The following PLA1A variants were observed in gnomAD, a reference collection of about 807,000 sequenced individuals.
The protein encoded by PLA1A is phosphatidylserine-specific phospholipase A1alpha.
PLA1A carries 47 observed loss-of-function variants against 49.4 expected under a neutral mutation model. The observed-to-expected ratio is 0.95, with a 90% confidence interval of 0.75 to 1.21. The LOEUF is 1.21. Among genes scored for constraint, PLA1A ranks in the 50% most tolerant of loss-of-function variants. PLA1A has a pLI of 0.00. For missense variants in PLA1A, 561 were observed against 563.9 expected, an observed-to-expected ratio of 0.99 and a Z score of 0.05; for synonymous variants, 224 against 207.9, an observed-to-expected ratio of 1.08 and a Z score of -0.67.
chr3:119,614,452 A>G (rs2082816188), intron 5 of PLA1A, among the ~76,000 whole-genome samples: 1 of 151,982 alleles, frequency 6.6e-6, no homozygotes, highest in Non-Finnish European at 1.5e-5. Flanking sequence ...AAAAAATACA[A>G]AAATTTAGTG....
intron 2 of PLA1A, among the ~76,000 whole-genome samples, chr3:119,607,317 AT>A (rs2082702503): frequency 6.6e-6 from 1 of 152,108 alleles, no homozygotes; most frequent in Admixed American, 6.5e-5. Context: ...AGAAACTTCC[AT>A]TTATGGGTGC....
intron 6 of PLA1A, among the ~76,000 whole-genome samples, chr3:119,616,387 T>G (rs2082848617): frequency 6.6e-6 from 1 of 152,230 alleles, no homozygotes. Context: ...GAAGGATCAA[T>G]TCACTGCCCA....
intron 5 of PLA1A, among the ~76,000 whole-genome samples, chr3:119,614,322 G>T (rs1448714980): frequency 6.6e-6 from 1 of 151,978 alleles, no homozygotes; most frequent in Non-Finnish European, 1.5e-5. Context: ...AGTGAATCCT[G>T]GTCGGGCGTG....
chr3:119,602,450 C>T (rs1282455994), intron 1 of PLA1A, among the ~76,000 whole-genome samples: 1 of 152,046 alleles, frequency 6.6e-6, no homozygotes, highest in African/African-American at 2.4e-5. Flanking sequence ...TGGATATAAA[C>T]TTTTTTATGG....
At chr3:119,603,994 T>G (rs2082651004) in intron 1 of PLA1A, among the ~76,000 whole-genome samples, 1 of 152,250 alleles carries the variant, frequency 6.6e-6, no homozygotes, top group Non-Finnish European at 1.5e-5. Context: ...CAAAGAATTA[T>G]TTTAACAACC....
At chr3:119,607,900 C>T (rs187721096) in intron 2 of PLA1A, among the ~76,000 whole-genome samples, 6 of 152,322 alleles carry the variant, frequency 3.9e-5, no homozygotes, top group Non-Finnish European at 7.3e-5. Context: ...TCTGTCCACA[C>T]GAGTGTGCTC....
Position 119,629,394 on chromosome 3 carries a change from G to A in PLA1A, c.1297G>A (p.Val433Ile), listed in dbSNP as rs2052592470. 1.2e-6 allele frequency: 2 copies of A among 1,603,906 alleles called. No homozygotes were observed. Among genetic ancestry groups the A allele is most frequent in the Non-Finnish European group, 1.7e-6 (2 of 1,170,802 alleles). The change falls in exon 11 of 11, where the codon GTC (valine) becomes ATC (isoleucine). Residue 433 changes from valine (V) to isoleucine (I), a missense_variant. Coordinates refer to ENST00000273371, the MANE Select transcript of PLA1A (RefSeq NM_015900.4). The part of the protein sequence containing the change: ...LLPVNDREKM[V>I]CLPEPVNLQA... ...GCTCTTCTCTTCCAGAGAAAAGATG[G>A]TCTGCTTACCTGAACCAGTGAACTT...
chr3:119,629,353 C>A, intron 10 of PLA1A, 31 bp from the exon 11 acceptor site: 2 of 1,286,790 alleles, frequency 1.6e-6, no homozygotes, highest in Non-Finnish European at 2.3e-6. Flanking sequence ...TCCTCACCAG[C>A]CACTGCTCTC....
intron 9 of PLA1A, among the ~76,000 whole-genome samples, chr3:119,628,060 CT>C (rs1429087959): frequency 6.6e-6 from 1 of 152,202 alleles, no homozygotes; most frequent in Non-Finnish European, 1.5e-5. Flanking sequence ...GCCATTTTCA[CT>C]CTGAGTCTCC....
intron 8 of PLA1A, among the ~76,000 whole-genome samples, chr3:119,624,693 C>A (rs1335368204): frequency 6.6e-6 from 1 of 151,394 alleles, no homozygotes; most frequent in Admixed American, 6.6e-5. Flanking sequence ...TGCAGTGGTG[C>A]AATTTCTGCT....
intron 8 of PLA1A, chr3:119,620,081 T>G (rs1481726263): frequency 2.2e-6 from 1 of 457,934 alleles, no homozygotes; most frequent in South Asian, 1.5e-5. Context: ...CACAGATGCA[T>G]TCCAGCTTCT....
chr3:119,618,653 C>A (rs1030887093), intron 7 of PLA1A, among the ~76,000 whole-genome samples: 7 of 152,218 alleles, frequency 4.6e-5, no homozygotes, highest in African/African-American at 1.4e-4. Flanking sequence ...ACTTGGGCAC[C>A]TTCCTGGATG....
intron 9 of PLA1A, among the ~76,000 whole-genome samples, chr3:119,627,811 G>A (rs991608232): frequency 1.3e-5 from 2 of 152,210 alleles, no homozygotes; most frequent in Non-Finnish European, 2.9e-5. Context: ...TCTGCTGGCT[G>A]GGCTGTGCCT....
chr3:119,623,039 G>A (rs1347294923), intron 8 of PLA1A, among the ~76,000 whole-genome samples: 2 of 152,160 alleles, frequency 1.3e-5, no homozygotes, highest in Non-Finnish European at 2.9e-5. Flanking sequence ...ATGTTGGCCA[G>A]GCTGGTCTCG....
intron 2 of PLA1A, among the ~76,000 whole-genome samples, chr3:119,608,244 GAA>G (rs1160376119): frequency 1.9e-4 from 8 of 41,332 alleles, no homozygotes; most frequent in South Asian, 7.8e-4. Context: ...AAGAAAGAGA[GAA>G]AGAAAGAAAG....
chr3:119,613,923 A>G (rs1195080170), intron 5 of PLA1A, among the ~76,000 whole-genome samples: 1 of 151,832 alleles, frequency 6.6e-6, no homozygotes, highest in Non-Finnish European at 1.5e-5. Context: ...TCCCTTTTCC[A>G]ATAGTGACAG....
chr3:119,608,167 G>A (rs541313800), intron 2 of PLA1A, among the ~76,000 whole-genome samples: 33 of 144,448 alleles, frequency 2.3e-4, no homozygotes, highest in African/African-American at 6.1e-4. Context: ...AAAGGGAGAA[G>A]GAAGGAAAAA....
chr3:119,628,626 C>T, intron 9 of PLA1A, 75 bp from the exon 10 acceptor site: 2 of 1,395,706 alleles, frequency 1.4e-6, no homozygotes, highest in South Asian at 1.3e-5. Context: ...CCAGCAGAGC[C>T]CGATCGGAGC....
rs375976877 is a variant in PLA1A at position 119,613,170 on chromosome 3, T to C, written c.664+52T>C. 2.3e-5 allele frequency: 29 copies of C among 1,256,852 alleles called. No individual in the cohort carries two copies. The African/African-American group carries it at 3.6e-4, about 15-fold the overall frequency. The allele number at this position is 1,256,852 out of a possible 1,614,324, so 77.9% of individuals were successfully genotyped here. A position where few individuals can be genotyped will look rare whatever the true frequency, so the allele number is the denominator to read the frequency against. ...GAGGGAATGAGCTCAAGGCAGCGCCTAGGAGGCTGGCATCTAGCTCTGTGG... is the reference window on the plus strand; with the variant it reads ...GAGGGAATGAGCTCAAGGCAGCGCCCAGGAGGCTGGCATCTAGCTCTGTGG... On this transcript the variant is annotated intron_variant, in intron 5 of 10. Coordinates refer to ENST00000273371, the MANE Select transcript of PLA1A (RefSeq NM_015900.4).
Sources: gnomAD v4.1 joint callset for allele counts (sites outside exome capture counted in the v4.1 genomes callset) on GRCh38, gnomAD v4.1.1 for gene constraint, MANE v1.5 for transcripts, NCBI Gene and HGNC (gene_info 2026-07-23, HGNC 2026-07-21) for gene names.